The following SEM1 variants were observed in gnomAD, a reference collection of about 807,000 sequenced individuals.
The protein encoded by SEM1 is SEM1 26S proteasome subunit, also known as 26S proteasome complex subunit SEM1.
SEM1 carries 3 observed loss-of-function variants against 12.7 expected under a neutral mutation model. The observed-to-expected ratio is 0.24, with a 90% confidence interval of 0.11 to 0.61. The LOEUF is 0.61. Among genes scored for constraint, SEM1 ranks in the 20% least tolerant of loss-of-function variants. The pLI, the probability that SEM1 is intolerant of heterozygous loss-of-function variation, is 0.88. For synonymous variants in SEM1, 30 were observed against 27.8 expected (o/e 1.08, Z -0.25); for missense variants, 59 against 81.3 (o/e 0.73, Z 1.06).
intron 2 of SEM1, among the ~76,000 whole-genome samples, chr7:96,573,114 T>C (rs988328480): frequency 2.6e-5 from 4 of 152,014 alleles, no homozygotes; most frequent in African/African-American, 7.2e-5. Context: ...CCCCTGTTTT[T>C]TTTTTTTTTT....
rs1256322414 is a variant in SEM1 at position 96,585,014 on chromosome 7, A to G, written c.171-78316T>C. On this transcript the variant is annotated intron_variant and NMD_transcript_variant, in intron 2 of 3. Transcript: ENST00000466986. ...AGCTTTGTTCCATTGCTGGTGAGGA[A>G]CTGCGTTCCTTTGGAGAAGGAGAGG... 7.3e-5 allele frequency among the ~76,000 whole-genome samples: 11 copies of G among 151,624 alleles called. No homozygotes were observed. The East Asian group carries it at 1.9e-3, about 27-fold the overall frequency.
chr7:96,709,134 G>A (rs997009381), intron 1 of SEM1, among the ~76,000 whole-genome samples: 2 of 152,078 alleles, frequency 1.3e-5, no homozygotes, highest in Non-Finnish European at 1.5e-5. Context: ...GTCTTATAAA[G>A]CATTAAGTTA....
At chr7:96,498,765 C>G (rs1056812990), upstream of SEM1, among the ~76,000 whole-genome samples, 1 of 152,060 alleles carries the variant, frequency 6.6e-6, no homozygotes, top group South Asian at 2.1e-4. Flanking sequence ...TTATTTATAG[C>G]GTCGAGGAGC....
chr7:96,552,161 A>G (rs1805300326), intron 2 of SEM1, among the ~76,000 whole-genome samples: 1 of 151,382 alleles, frequency 6.6e-6, no homozygotes, highest in Non-Finnish European at 1.5e-5. Flanking sequence ...AGCTGGGGCT[A>G]CCATTTAACT....
downstream of SEM1, among the ~76,000 whole-genome samples, chr7:96,618,576 T>G (rs1807790311): frequency 6.6e-6 from 1 of 152,174 alleles, no homozygotes. Context: ...TGTTCATTCT[T>G]TTTTATTCTT....
chr7:96,704,981 C>T (rs1279717299), intron 1 of SEM1, among the ~76,000 whole-genome samples: 1 of 152,204 alleles, frequency 6.6e-6, no homozygotes, highest in African/African-American at 2.4e-5. Flanking sequence ...TTTTTCTACA[C>T]TCCTACCTGT....
At chr7:96,625,924 G>A (rs1399028737) in intron 2 of SEM1, among the ~76,000 whole-genome samples, 1 of 152,080 alleles carries the variant, frequency 6.6e-6, no homozygotes, top group African/African-American at 2.4e-5. Context: ...TGGAGTACAT[G>A]AGATGTTTTG....
chr7:96,673,683 T>C (rs2115594443), exon 3 of SEM1: 2 of 743,316 alleles, frequency 2.7e-6, no homozygotes, highest in Non-Finnish European at 2.5e-6. Flanking sequence ...TAGTGCTCAA[T>C]AATAGCTCTC....
At chr7:96,602,363 A>G (rs1487059054) in intron 2 of SEM1, among the ~76,000 whole-genome samples, 2 of 152,156 alleles carry the variant, frequency 1.3e-5, no homozygotes, top group African/African-American at 4.8e-5. Context: ...ACATTTCTGC[A>G]TGGCATCAGC....
At chr7:96,697,875 G>T (rs1462053691) in intron 1 of SEM1, among the ~76,000 whole-genome samples, 1 of 151,708 alleles carries the variant, frequency 6.6e-6, no homozygotes, top group African/African-American at 2.4e-5. Context: ...TATTTTTTTT[G>T]AAAATTTCAC....
intron 1 of SEM1, among the ~76,000 whole-genome samples, chr7:96,700,682 A>G (rs73394843): frequency 0.02 from 3,103 of 152,334 alleles, 82 homozygotes; most frequent in African/African-American, 0.071. Context: ...TTAACAAACA[A>G]GTAGTAACAT....
chr7:96,541,446 T>G (rs1243398300), intron 2 of SEM1, among the ~76,000 whole-genome samples: 4 of 141,426 alleles, frequency 2.8e-5, no homozygotes, highest in Non-Finnish European at 6.0e-5. Flanking sequence ...TTTTTTTGTT[T>G]TTTTTTTTTT....
intron 2 of SEM1, among the ~76,000 whole-genome samples, chr7:96,649,041 C>T (rs1704609477): frequency 6.6e-6 from 1 of 152,212 alleles, no homozygotes. Context: ...GGACTGGGGA[C>T]TCTGTTGAAA....
intron 2 of SEM1, among the ~76,000 whole-genome samples, chr7:96,692,415 C>CA (rs1789956645): frequency 6.6e-6 from 1 of 152,062 alleles, no homozygotes; most frequent in South Asian, 2.1e-4. Flanking sequence ...ATTAAAAACA[C>CA]AGAGTAGAGA....
chr7:96,582,600 C>A (rs982327931), intron 2 of SEM1, among the ~76,000 whole-genome samples: 1 of 152,184 alleles, frequency 6.6e-6, no homozygotes, highest in Admixed American at 6.5e-5. Context: ...TCTGTCTGGT[C>A]CTAGACTCTT....
chr7:96,547,317 G>A (rs142197262), intron 2 of SEM1, among the ~76,000 whole-genome samples: 1,556 of 152,240 alleles, frequency 0.01, 15 homozygotes, highest in Non-Finnish European at 0.017. Context: ...AGTCTCTTAA[G>A]TATGAATAGG....
At chr7:96,511,618 G>T (rs1474694452) in intron 2 of SEM1, among the ~76,000 whole-genome samples, 1 of 152,056 alleles carries the variant, frequency 6.6e-6, no homozygotes, top group African/African-American at 2.4e-5. Flanking sequence ...TCATATTGAA[G>T]ATTTTTGGGA....
At position 96,640,642 on chromosome 7, in the gene SEM1, T is replaced by G. The variant is rs1455600559; in HGVS notation, c.171-17999A>C. On this transcript the variant is annotated intron_variant, in intron 2 of 2. Transcript: ENST00000417009. This position sits in a 1 kb window ranked among gnomAD's most constrained non-coding sequence, Gnocchi z 4.0. ...GAAAATACTCTGTAAGATACTATAA[T>G]GGTGGACACATGTCATTATACATCT... 6.6e-6 allele frequency among the ~76,000 whole-genome samples: 1 copy of G among 151,944 alleles called. No homozygotes were observed. Among genetic ancestry groups the G allele is most frequent in the African/African-American group, 2.4e-5 (1 of 41,388 alleles).
chr7:96,501,675 TATC>T (rs1803556814), intron 3 of SEM1, among the ~76,000 whole-genome samples: 1 of 152,328 alleles, frequency 6.6e-6, no homozygotes, highest in Non-Finnish European at 1.5e-5. Context: ...ATGTTAGTAT[TATC>T]ATTATTATGT....
Sources: gnomAD v4.1 joint callset for allele counts (sites outside exome capture counted in the v4.1 genomes callset) on GRCh38, gnomAD v4.1.1 for gene constraint, Gnocchi (gnomAD v3.1) non-coding constraint, MANE v1.5 for transcripts, NCBI Gene and HGNC (gene_info 2026-07-23, HGNC 2026-07-21) for gene names.